Variants in FZD3 observed in about 807,000 individuals in gnomAD.
FZD3 encodes the protein frizzled class receptor 3.
In FZD3, 30 loss-of-function variants were observed where a neutral mutation model predicts 60.7. The observed-to-expected ratio is 0.49, with a 90% CI of 0.37 to 0.67. The LOEUF (loss-of-function observed/expected upper bound fraction) is 0.67, where lower values mean the gene tolerates loss of function less well. Among genes scored for constraint, FZD3 ranks in the 30% least tolerant of loss-of-function variants. The pLI, the probability that FZD3 is intolerant of heterozygous loss-of-function variation, is 0.00. For synonymous variants in FZD3, 246 were observed against 275.2 expected, an observed-to-expected ratio of 0.89 and a Z score of 1.05; for missense variants, 605 against 838.7, an observed-to-expected ratio of 0.72 and a Z score of 3.44.
rs552384935 is a variant in FZD3 at position 28,543,971 on chromosome 8, A to C, written c.1405-7632A>C. ...AAAACACTGAGGTAAACAAAAATAA[A>C]CAGTTCTTCAGGACTTCTCAGAACC... On this transcript the variant is annotated intron_variant, in intron 5 of 7. Coordinates refer to ENST00000240093, the MANE Select transcript of FZD3 (RefSeq NM_017412.4). 4.6e-5 allele frequency among the ~76,000 whole-genome samples: 7 copies of C among 152,180 alleles called. No individual in the cohort carries two copies. In the East Asian group the frequency reaches 1.4e-3, roughly 29 times the overall value.
chr8:28,540,695 A>AGCACTTTGG (rs1339620897), intron 5 of FZD3, among the ~76,000 whole-genome samples: 3 of 152,348 alleles, frequency 2.0e-5, no homozygotes, highest in African/African-American at 7.2e-5. Flanking sequence ...CTGTAATCCT[A>AGCACTTTGG]GCACTTTGGG....
chr8:28,551,255 G>C (rs1156813824), intron 5 of FZD3, among the ~76,000 whole-genome samples: 1 of 152,216 alleles, frequency 6.6e-6, no homozygotes, highest in East Asian at 1.9e-4. Context: ...TTTTGGGCCA[G>C]GCGCAGTGGC....
At chr8:28,534,889 T>C (rs1225531016) in intron 5 of FZD3, among the ~76,000 whole-genome samples, 2 of 152,210 alleles carry the variant, frequency 1.3e-5, no homozygotes, top group East Asian at 3.8e-4. Flanking sequence ...GAGTGTGCCT[T>C]ATAGAACACT....
chr8:28,530,643 T>G (rs1804847182), intron 5 of FZD3: 1 of 152,192 alleles, frequency 6.6e-6, no homozygotes, highest in Admixed American at 6.5e-5. Flanking sequence ...TGCTTCAGAC[T>G]TTTTAAAGAA....
At position 28,551,750 on chromosome 8, in the gene FZD3, G is replaced by A; in HGVS notation, c.1552G>A (p.Glu518Lys). The A allele has an allele frequency of 6.3e-7, 1 of 1,599,054 alleles. No individual in the cohort carries two copies. The stretch of plus-strand genomic sequence containing the variant: ...TTTTTTTCATGGTCGTAGGAAAAAA[G>A]AGTAAGTTGAAATAAATGATCACAG... ...ASFFHGRRKK[E>K]IVNESRQVLQ... The change falls in exon 6 of 8, where the codon GAG becomes AAG. Residue 518 changes from glutamate (E) to lysine (K), a missense_variant and splice_region_variant. Glu to Lys is a moderately conservative substitution (Grantham distance 56). Transcript: ENST00000240093.
At chr8:28,540,707 G>A (rs1292419483) in intron 5 of FZD3, among the ~76,000 whole-genome samples, 1 of 152,158 alleles carries the variant, frequency 6.6e-6, no homozygotes, top group African/African-American at 2.4e-5. Context: ...CACTTTGGGA[G>A]GCCAAGACAG....
intron 4 of FZD3, among the ~76,000 whole-genome samples, chr8:28,523,957 C>T (rs1191328795): frequency 6.6e-6 from 1 of 152,092 alleles, no homozygotes; most frequent in Non-Finnish European, 1.5e-5. Flanking sequence ...CTTTTCCTCC[C>T]TGGCCCCACA....
At chr8:28,508,997 A>G (rs957862954) in intron 3 of FZD3, among the ~76,000 whole-genome samples, 7 of 151,890 alleles carry the variant, frequency 4.6e-5, no homozygotes, top group Admixed American at 1.3e-4. Context: ...TCCTTTAGGG[A>G]CAAAGATTTC....
intron 3 of FZD3, among the ~76,000 whole-genome samples, chr8:28,520,221 C>CCAA (rs1293715921): frequency 7.6e-6 from 1 of 131,046 alleles, no homozygotes; most frequent in Non-Finnish European, 1.6e-5. Context: ...AAAAAAACAA[C>CCAA]AAAAAAAAAA....
intron 4 of FZD3, among the ~76,000 whole-genome samples, chr8:28,525,475 C>T (rs1804692961): frequency 6.6e-6 from 1 of 152,040 alleles, no homozygotes; most frequent in Admixed American, 6.6e-5. Flanking sequence ...GGGGGCAGAG[C>T]GGGCCAGGCA....
intron 7 of FZD3, among the ~76,000 whole-genome samples, chr8:28,561,540 C>T (rs958901711): frequency 5.3e-5 from 8 of 151,246 alleles, no homozygotes; most frequent in African/African-American, 1.7e-4. Flanking sequence ...GGTGGATTAA[C>T]GCTTTCTGAC....
rs980202749 is a variant in FZD3 at position 28,573,883 on chromosome 8, A to G, written c.*10872A>G. ...ATTGCTGAGGTGATTCTAAATGTCT[A>G]ATGTTGATTTATCATATAAACATCT... On this transcript the variant is annotated 3_prime_UTR_variant, in exon 8 of 8. Transcript: ENST00000240093. 8 of 152,284 alleles carry G rather than the reference A, an allele frequency of 5.3e-5. No homozygotes were observed. The highest frequency in any genetic ancestry group is 1.9e-4 in the East Asian group (1 of 5,192). 9.4% of individuals were successfully genotyped at this position (152,284 alleles called of 1,614,324 possible).
At chr8:28,520,267 A>G (rs1023225730) in intron 3 of FZD3, among the ~76,000 whole-genome samples, 36 of 151,966 alleles carry the variant, frequency 2.4e-4, no homozygotes, top group African/African-American at 8.7e-4. Context: ...AAAGGAAGAA[A>G]ACGAAAATTT....
intron 5 of FZD3, among the ~76,000 whole-genome samples, chr8:28,534,340 A>C (rs1362510513): frequency 6.6e-6 from 1 of 152,184 alleles, no homozygotes; most frequent in Non-Finnish European, 1.5e-5. Context: ...TAACTTTTTC[A>C]TCTTTTCAAA....
rs368238826 is a variant in FZD3, at chr8:28,562,824, T to A, written c.1814T>A (p.Met605Lys). The A allele has an allele frequency of 6.2e-7, 1 of 1,611,800 alleles. No individual in the cohort carries two copies. Among genetic ancestry groups the A allele is most frequent in the Non-Finnish European group, 8.5e-7 (1 of 1,178,384 alleles). The change falls in exon 8 of 8, where the codon ATG becomes AAG. Residue 605 changes from methionine to lysine, a missense_variant. Met to Lys is a moderately conservative substitution (Grantham distance 95). Transcript: ENST00000240093. Reference sequence around the variant, plus strand: ...TACACGCCCTGCAGTTACAGAGGAATGGAGGAGAGACTACCTCATGGCAGC... The same window carrying A: ...TACACGCCCTGCAGTTACAGAGGAAAGGAGGAGAGACTACCTCATGGCAGC... ...GRYTPCSYRG[M>K]EERLPHGSMS...
chr8:28,572,155 CTT>C lies in FZD3; in HGVS notation c.*9145_*9146del, dbSNP rs1300057225. Reference sequence around the variant, plus strand: ...TCCTCCTGTAGATCAGCTGTTCTCTCTTAGAGTCAGGACAAGGAGGTTTTTGC... The same window carrying C: ...TCCTCCTGTAGATCAGCTGTTCTCTCAGAGTCAGGACAAGGAGGTTTTTGC... On this transcript the variant is annotated 3_prime_UTR_variant, in exon 8 of 8. Transcript: ENST00000240093. 1 of 151,988 alleles carries C rather than the reference CTT, an allele frequency of 6.6e-6. No individual in the cohort carries two copies. Among genetic ancestry groups the C allele is most frequent in the Non-Finnish European group, 1.5e-5 (1 of 68,024 alleles). 9.4% of individuals were successfully genotyped at this position (151,988 alleles called of 1,614,324 possible).
chr8:28,551,798 G>A (rs377193046), intron 6 of FZD3, 47 bp downstream of exon 6: 22 of 1,497,988 alleles, frequency 1.5e-5, no homozygotes, highest in East Asian at 4.6e-5. Flanking sequence ...TCACATTTAC[G>A]TAAATTTTTT....
rs1350163459 is a variant in FZD3 at position 28,570,126 on chromosome 8, GTTATTT to G, written c.*7119_*7124del. The G allele has an allele frequency of 6.6e-6, 1 of 152,172 alleles. No homozygotes were observed. The highest frequency in any genetic ancestry group is 2.4e-5 in the African/African-American group (1 of 41,438). 9.4% of individuals were successfully genotyped at this position (152,172 alleles called of 1,614,324 possible). A position where few individuals can be genotyped will look rare whatever the true frequency, so the allele number is the denominator to read the frequency against. ...ATATTATTAGAGATCAATGTGGCTT[GTTATTT>G]TTAATTTTTTTCTGGCTATACAGAA... is the stretch of plus-strand genomic sequence containing the variant. On this transcript the variant is annotated 3_prime_UTR_variant, in exon 8 of 8. Coordinates refer to ENST00000240093, the MANE Select transcript of FZD3 (RefSeq NM_017412.4).
At chr8:28,528,415 A>ATT (rs200109621) in intron 5 of FZD3, among the ~76,000 whole-genome samples, 8 of 146,356 alleles carry the variant, frequency 5.5e-5, no homozygotes, top group African/African-American at 1.5e-4. Context: ...TCTGTTGGTG[A>ATT]TTTTTTTTTT....
Sources: gnomAD v4.1 joint callset for allele counts (sites outside exome capture counted in the v4.1 genomes callset) on GRCh38, gnomAD v4.1.1 for gene constraint, MANE v1.5 for transcripts, NCBI Gene and HGNC (gene_info 2026-07-23, HGNC 2026-07-21) for gene names.